The following ANKRD18B variants were observed in gnomAD, a reference collection of about 807,000 sequenced individuals.
ANKRD18B encodes ankyrin repeat domain 18B, also known as ankyrin repeat domain-containing protein 18B.
In ANKRD18B, 75 loss-of-function variants were observed where a neutral mutation model predicts 111.8. The observed-to-expected ratio is 0.67, with a 90% CI of 0.56 to 0.81. The LOEUF is 0.81. Ranked by LOEUF, ANKRD18B falls within the 40% of genes least tolerant of loss-of-function variation. The pLI, the probability that ANKRD18B is intolerant of heterozygous loss-of-function variation, is 0.00. For missense variants in ANKRD18B, 1,038 were observed against 1,225.5 expected, an observed-to-expected ratio of 0.85 and a Z score of 2.28; for synonymous variants, 356 against 417.3, an observed-to-expected ratio of 0.85 and a Z score of 1.79.
At position 33,548,298 on chromosome 9, in the gene ANKRD18B, T is replaced by A; in HGVS notation, c.1510T>A (p.Tyr504Asn). 6.5e-7 allele frequency: 1 copy of A among 1,549,814 alleles called. No individual in the cohort carries two copies. The highest frequency in any genetic ancestry group is 8.7e-7 in the Non-Finnish European group (1 of 1,146,362). Residue 504 changes from tyrosine (Y) to asparagine (N), a missense_variant, in exon 11 of 19, where the codon TAC becomes AAC. By Grantham distance (143) the Tyr-to-Asn change is moderately radical (BLOSUM62 -2). Coordinates refer to ENST00000684830, the MANE Select transcript of ANKRD18B (RefSeq NM_001393611.1). ...HSNLATAINE[Y>N]NEILERKDLE... Reference sequence around the variant, plus strand: ...TAACTTGGCCACTGCTATAAATGAGTACAATGAAATTTTGGAAAGAAAAGA... The same window carrying A: ...TAACTTGGCCACTGCTATAAATGAGAACAATGAAATTTTGGAAAGAAAAGA...
At chr9:33,526,311 T>G (rs552659070) in intron 1 of ANKRD18B, among the ~76,000 whole-genome samples, 1 of 152,144 alleles carries the variant, frequency 6.6e-6, no homozygotes, top group Non-Finnish European at 1.5e-5. Context: ...ACCCATAGAA[T>G]GGGTATGTGG....
chr9:33,546,231 T>C (rs188381170), intron 10 of ANKRD18B, among the ~76,000 whole-genome samples: 60 of 152,302 alleles, frequency 3.9e-4, no homozygotes, highest in Admixed American at 1.4e-3. Flanking sequence ...GCAACAAATA[T>C]TCCCAGCCAA....
Position 33,568,661 on chromosome 9 carries a change from C to G in ANKRD18B, c.2955-10C>G, listed in dbSNP as rs187543216. 4,966 of 1,520,110 alleles carry G rather than the reference C, an allele frequency of 3.3e-3. 15 individuals carry two copies. Among genetic ancestry groups the G allele is most frequent in the Non-Finnish European group, 3.0e-3 (3,367 of 1,135,640 alleles). 94.2% of individuals were successfully genotyped at this position (1,520,110 alleles called of 1,614,324 possible). On this transcript the variant is annotated splice_polypyrimidine_tract_variant and intron_variant, in intron 16 of 18. Transcript: ENST00000684830. ...GAAATACTAAGCATTTGTCTTTGCT[C>G]TCTTTACAGATCGGATAAGAAAATA...
At chr9:33,550,622 G>A (rs1336622599) in intron 12 of ANKRD18B, 43 bp downstream of exon 12, 9 of 1,459,920 alleles carry the variant, frequency 6.2e-6, no homozygotes, top group Non-Finnish European at 8.2e-6. Context: ...TCTGTAGCTG[G>A]TTGAATACCA....
intron 14 of ANKRD18B, among the ~76,000 whole-genome samples, chr9:33,562,449 C>G (rs1052449384): frequency 1.3e-5 from 2 of 152,152 alleles, no homozygotes; most frequent in African/African-American, 4.8e-5. Flanking sequence ...CCTCCTTTTA[C>G]TGAAACAGAG....
At chr9:33,526,232 T>C (rs1319625651) in intron 1 of ANKRD18B, among the ~76,000 whole-genome samples, 8 of 152,206 alleles carry the variant, frequency 5.3e-5, no homozygotes, top group African/African-American at 1.9e-4. Flanking sequence ...ATCAACTCCA[T>C]TGTATTAAAA....
At chr9:33,529,430 C>A (rs1424304216) in intron 3 of ANKRD18B, among the ~76,000 whole-genome samples, 1 of 152,016 alleles carries the variant, frequency 6.6e-6, no homozygotes, top group Non-Finnish European at 1.5e-5. Context: ...TTTCCTACCC[C>A]AGGTGTATTT....
rs1403587459 is a variant in ANKRD18B at position 33,548,071 on chromosome 9, A to G, written c.1283A>G (p.Gln428Arg). The change falls in exon 11 of 19, where the codon CAG becomes CGG. Residue 428 changes from glutamine (Q) to arginine (R), a missense_variant. Around this residue, in one of 4 missense-constraint regions of ANKRD18B, gnomAD observed 205 missense variants for 201.3 expected, o/e 1.02. Transcript: ENST00000684830. Reference protein sequence around the residue: ...DSLRKEKKYIQEIKSITEINA... With the variant: ...DSLRKEKKYIREIKSITEINA... The stretch of plus-strand genomic sequence containing the variant: ...CTCAGAAAGGAAAAGAAATATATTC[A>G]GGAAATTAAAAGTATTACAGAAATA... 4 of 1,537,490 alleles carry G rather than the reference A, an allele frequency of 2.6e-6. No individual in the cohort carries two copies. The South Asian group carries it at 5.0e-5, about 19-fold the overall frequency.
intron 3 of ANKRD18B, among the ~76,000 whole-genome samples, chr9:33,530,559 C>T (rs868403598): frequency 4.2e-5 from 6 of 144,350 alleles, no homozygotes; most frequent in East Asian, 4.1e-4. Context: ...CCTCAGTGTT[C>T]GAATACACTC....
At chr9:33,537,061 C>A in intron 6 of ANKRD18B, 116 bp downstream of exon 6, 1 of 683,844 alleles carries the variant, frequency 1.5e-6, no homozygotes, top group Non-Finnish European at 2.1e-6. Flanking sequence ...CTTTGGGAGG[C>A]CGAGGCAGGT....
At chr9:33,542,283 C>T (rs574443724) in intron 9 of ANKRD18B, among the ~76,000 whole-genome samples, 5 of 149,168 alleles carry the variant, frequency 3.4e-5, no homozygotes, top group East Asian at 3.9e-4. Context: ...TCAAAAAGTA[C>T]GAAGGGAGCC....
chr9:33,563,369 A>G (rs973770833), intron 14 of ANKRD18B, among the ~76,000 whole-genome samples: 1 of 152,192 alleles, frequency 6.6e-6, no homozygotes, highest in Non-Finnish European at 1.5e-5. Flanking sequence ...AAATTGAATC[A>G]TCTGAAGCTT....
chr9:33,559,023 A>G (rs1261081296), intron 14 of ANKRD18B, among the ~76,000 whole-genome samples: 1 of 152,214 alleles, frequency 6.6e-6, no homozygotes, highest in Non-Finnish European at 1.5e-5. Flanking sequence ...GGTTTTAAGG[A>G]TTCTTTCAGT....
chr9:33,552,283 T>C (rs1229646709), intron 12 of ANKRD18B, among the ~76,000 whole-genome samples: 1 of 152,242 alleles, frequency 6.6e-6, no homozygotes. Context: ...AATCTAAATT[T>C]GCCTTCCTTC....
In ANKRD18B at chr9:33,567,251, A is replaced by G. The variant is rs2118134787; in HGVS notation, c.2891A>G (p.Glu964Gly). ...AYEDVTTELE[E>G]YKEAFAVALK... ...GAAGATGTTACAACTGAATTAGAAGAGTATAAGGAAGCCTTTGCAGTAGCA... is the reference window on the plus strand; with the variant it reads ...GAAGATGTTACAACTGAATTAGAAGGGTATAAGGAAGCCTTTGCAGTAGCA... The change falls in exon 16 of 19, where the codon GAG (glutamate) becomes GGG (glycine). Residue 964 changes from glutamate (E) to glycine (G), a missense_variant. Glu to Gly is a moderately conservative substitution (Grantham distance 98). Transcript: ENST00000684830. The G allele has an allele frequency of 1.3e-6, 2 of 1,548,584 alleles. No individual in the cohort carries two copies. The highest frequency in any genetic ancestry group is 1.4e-5 in the African/African-American group (1 of 73,034).
intron 12 of ANKRD18B, among the ~76,000 whole-genome samples, chr9:33,551,819 C>T (rs1367135828): frequency 6.6e-6 from 1 of 152,198 alleles, no homozygotes. Context: ...CCCATGCTGT[C>T]CTTCCTGCCT....
intron 14 of ANKRD18B, among the ~76,000 whole-genome samples, chr9:33,564,680 T>C (rs982609938): frequency 1.3e-5 from 2 of 152,370 alleles, no homozygotes; most frequent in Admixed American, 1.3e-4. Flanking sequence ...AAGAGTTTAC[T>C]GTTCTCTGAA....
intron 1 of ANKRD18B, among the ~76,000 whole-genome samples, chr9:33,528,190 A>C (rs531683620): frequency 2.7e-4 from 41 of 152,300 alleles, no homozygotes; most frequent in African/African-American, 9.6e-4. Context: ...GGTCCCAGCT[A>C]TTCAGGAGGC....
chr9:33,575,081 T>C (rs182757650), downstream of ANKRD18B, among the ~76,000 whole-genome samples: 420 of 152,310 alleles, frequency 2.8e-3, 1 homozygote, highest in African/African-American at 9.0e-3. Flanking sequence ...GTGGGTGGTT[T>C]TGGCCTCTGG....
Sources: allele counts gnomAD v4.1 joint callset (sites outside exome capture counted in the v4.1 genomes callset), GRCh38; gene constraint gnomAD v4.1.1; regional missense constraint gnomAD v4.1.1; transcripts MANE v1.5; gene names NCBI Gene and HGNC (gene_info 2026-07-23, HGNC 2026-07-21).